THSD4: variants seen among roughly 807,000 people sequenced by gnomAD.
The protein encoded by THSD4 is thrombospondin type 1 domain containing 4.
In THSD4, 69 loss-of-function variants were observed where a neutral mutation model predicts 119.0. The observed-to-expected ratio is 0.58, with a 90% CI of 0.48 to 0.71. The LOEUF (loss-of-function observed/expected upper bound fraction) is 0.71, where lower values mean the gene tolerates loss of function less well. Ranked by LOEUF, THSD4 falls within the 30% of genes least tolerant of loss-of-function variation. The pLI, the probability that THSD4 is intolerant of heterozygous loss-of-function variation, is 0.00. For missense variants in THSD4, 1,393 were observed against 1,391.1 expected (o/e 1.00, Z -0.02); for synonymous variants, 524 against 540.4 (o/e 0.97, Z 0.42).
chr15:71,638,934 C>T (rs1336282906), intron 7 of THSD4, among the ~76,000 whole-genome samples: 3 of 152,196 alleles, frequency 2.0e-5, no homozygotes, highest in African/African-American at 7.2e-5. Context: ...TTGTTGGAAG[C>T]TCCACCATTT....
chr15:71,311,246 T>A (rs2045106928), intron 6 of THSD4, among the ~76,000 whole-genome samples: 1 of 152,186 alleles, frequency 6.6e-6, no homozygotes, highest in African/African-American at 2.4e-5. Flanking sequence ...TTTGTTAACA[T>A]AGATTTCCAG....
intron 8 of THSD4, among the ~76,000 whole-genome samples, chr15:71,693,611 G>A (rs1350001967): frequency 2.6e-5 from 4 of 152,234 alleles, no homozygotes; most frequent in Non-Finnish European, 5.9e-5. Flanking sequence ...ACTTGATATG[G>A]TTTGGCTGTG....
chr15:71,134,617 G>A (rs770857323), intron 1 of THSD4, among the ~76,000 whole-genome samples: 8 of 152,156 alleles, frequency 5.3e-5, no homozygotes, highest in East Asian at 1.9e-4. Flanking sequence ...GCCCTGTGTC[G>A]GCAGCATGTC....
At chr15:71,159,736 G>A (rs1316960362) in intron 3 of THSD4, among the ~76,000 whole-genome samples, 4 of 151,994 alleles carry the variant, frequency 2.6e-5, no homozygotes, top group African/African-American at 9.7e-5. Flanking sequence ...TGCATACAGG[G>A]ACAATATGAT....
chr15:71,168,995 C>T (rs2043324389), intron 3 of THSD4, among the ~76,000 whole-genome samples: 1 of 152,038 alleles, frequency 6.6e-6, no homozygotes, highest in Non-Finnish European at 1.5e-5. Context: ...TGAAACACAT[C>T]ATAAAAACAG....
In THSD4 at chr15:71,660,709, G is replaced by A; in HGVS notation, c.1332G>A (p.Glu444=). 1 of 1,614,138 alleles carries A rather than the reference G, an allele frequency of 6.2e-7. No homozygotes were observed. Among genetic ancestry groups the A allele is most frequent in the South Asian group, 1.1e-5 (1 of 91,078 alleles). The change falls in exon 8 of 18, where the codon GAG becomes GAA. Residue 444 remains glutamate (E), a synonymous_variant. Transcript: ENST00000261862. ...PEGATKINIT[E]MYKSNNYLAL... ...GAGCCACGAAAATCAACATCACGGA[G>A]ATGTACAAGAGCAACAACTATTTGG... is the stretch of plus-strand genomic sequence containing the variant.
intron 7 of THSD4, among the ~76,000 whole-genome samples, chr15:71,526,820 C>A (rs2048527766): frequency 6.6e-6 from 1 of 152,068 alleles, no homozygotes; most frequent in Non-Finnish European, 1.5e-5. Context: ...AGAATAGATT[C>A]TCTTATAGTG....
At chr15:71,523,786 AAG>A (rs1434607699) in intron 7 of THSD4, among the ~76,000 whole-genome samples, 1 of 152,220 alleles carries the variant, frequency 6.6e-6, no homozygotes, top group African/African-American at 2.4e-5. Flanking sequence ...CAGTAAGAGA[AAG>A]AGAAAATCCT....
rs555733242 is a variant in THSD4, at chr15:71,600,460, T to G, written c.1153-60070T>G. ...GGAAGAATCTGTGTCTGAATCATCA[T>G]AAGCCCCACAGTACCTGGTATAATG... On this transcript the variant is annotated intron_variant, in intron 7 of 17. Coordinates refer to ENST00000261862, the MANE Select transcript of THSD4 (RefSeq NM_024817.3). 2.0e-5 allele frequency among the ~76,000 whole-genome samples: 3 copies of G among 152,376 alleles called. No individual in the cohort carries two copies. In the South Asian group the frequency reaches 6.2e-4, roughly 32 times the overall value.
At chr15:71,663,847 A>G (rs1364535396) in intron 8 of THSD4, among the ~76,000 whole-genome samples, 2 of 152,242 alleles carry the variant, frequency 1.3e-5, no homozygotes, top group Non-Finnish European at 2.9e-5. Flanking sequence ...AGTTCTGGCT[A>G]TGAAAACTGT....
intron 7 of THSD4, among the ~76,000 whole-genome samples, chr15:71,592,005 C>T (rs1567052077): frequency 6.6e-6 from 1 of 152,154 alleles, no homozygotes; most frequent in Non-Finnish European, 1.5e-5. Flanking sequence ...TAATGCCCCT[C>T]ATTTTAAAGA....
At chr15:71,757,746 A>G (rs1205296084) in intron 14 of THSD4, 156 bp from the exon 15 acceptor site, 3 of 876,352 alleles carry the variant, frequency 3.4e-6, no homozygotes, top group African/African-American at 1.7e-5. Context: ...CTGATATCTC[A>G]TAATGGAGTA....
chr15:71,556,090 A>G (rs936679843), intron 7 of THSD4, among the ~76,000 whole-genome samples: 10 of 152,132 alleles, frequency 6.6e-5, no homozygotes, highest in African/African-American at 2.2e-4. Flanking sequence ...AGTTCGCATT[A>G]TTCTTTGGGA....
intron 8 of THSD4, among the ~76,000 whole-genome samples, chr15:71,708,900 C>T (rs74025504): frequency 0.16 from 24,059 of 152,216 alleles, 2,225 homozygotes; most frequent in Middle Eastern, 0.22. Flanking sequence ...TATGGTGCTG[C>T]ACACAGCTGT....
chr15:71,212,983 T>C (rs2043899957), intron 3 of THSD4, among the ~76,000 whole-genome samples: 1 of 152,212 alleles, frequency 6.6e-6, no homozygotes, highest in Non-Finnish European at 1.5e-5. Context: ...TTTTCCTTCC[T>C]TGTTCTCCAA....
chr15:71,510,517 T>G (rs374381651), intron 7 of THSD4, among the ~76,000 whole-genome samples: 14 of 152,190 alleles, frequency 9.2e-5, no homozygotes, highest in East Asian at 3.8e-4. Flanking sequence ...GAGTGGGCTC[T>G]TCTAGATTCT....
At chr15:71,643,327 G>T (rs2050902550) in intron 7 of THSD4, among the ~76,000 whole-genome samples, 1 of 152,066 alleles carries the variant, frequency 6.6e-6, no homozygotes, top group South Asian at 2.1e-4. Context: ...ACAATTTTTA[G>T]GTTCAAGAGT....
At chr15:71,760,537 A>G (rs2053612233) in intron 15 of THSD4, among the ~76,000 whole-genome samples, 1 of 152,164 alleles carries the variant, frequency 6.6e-6, no homozygotes. Context: ...CAAGTCTATT[A>G]TTTATGCCCA....
intron 7 of THSD4, among the ~76,000 whole-genome samples, chr15:71,606,563 G>A (rs892100115): frequency 5.4e-5 from 8 of 149,012 alleles, no homozygotes; most frequent in Non-Finnish European, 9.0e-5. Flanking sequence ...TTTTTGAGAC[G>A]GAGTTTCACT....
Sources: gnomAD v4.1 joint callset for allele counts (sites outside exome capture counted in the v4.1 genomes callset) on GRCh38, gnomAD v4.1.1 for gene constraint, MANE v1.5 for transcripts, NCBI Gene and HGNC (gene_info 2026-07-23, HGNC 2026-07-21) for gene names.